The following C9orf85 variants were observed in gnomAD, a reference collection of about 807,000 sequenced individuals.
C9orf85 encodes uncharacterized protein C9orf85.
C9orf85 carries 16 observed loss-of-function variants against 14.9 expected under a neutral mutation model. That is an observed-to-expected ratio of 1.08 (90% CI 0.73 to 1.63). The LOEUF (loss-of-function observed/expected upper bound fraction) is 1.63. C9orf85 is among the 40% of genes most tolerant of loss of function. The pLI is 0.00. For synonymous variants in C9orf85, 45 were observed against 56.8 expected (o/e 0.79, Z 0.93); for missense variants, 172 against 186.1 (o/e 0.92, Z 0.44).
intron 2 of C9orf85, among the ~76,000 whole-genome samples, chr9:71,954,556 C>T (rs950261024): frequency 2.0e-5 from 3 of 152,150 alleles, no homozygotes; most frequent in African/African-American, 7.2e-5. Flanking sequence ...GTGGATTATT[C>T]ATGTCTTTGC....
chr9:71,963,586 C>T (rs1822588421), intron 2 of C9orf85, among the ~76,000 whole-genome samples: 2 of 152,198 alleles, frequency 1.3e-5, no homozygotes, highest in East Asian at 1.9e-4. Context: ...GCTTGCGGGC[C>T]AGCTGGAGTT....
chr9:71,920,756 G>A (rs146730780), intron 1 of C9orf85, among the ~76,000 whole-genome samples: 3 of 152,264 alleles, frequency 2.0e-5, no homozygotes, highest in Non-Finnish European at 2.9e-5. Flanking sequence ...ATAAGGAGGG[G>A]ATAAAGGAAT....
intron 1 of C9orf85, among the ~76,000 whole-genome samples, chr9:71,936,434 A>G (rs1171877683): frequency 6.8e-6 from 1 of 146,138 alleles, no homozygotes; most frequent in Non-Finnish European, 1.5e-5. Context: ...TGGGATTGAA[A>G]GTATTACCCT....
chr9:71,975,575 G>A (rs1171368375), downstream of C9orf85, among the ~76,000 whole-genome samples: 1 of 152,216 alleles, frequency 6.6e-6, no homozygotes, highest in African/African-American at 2.4e-5. Flanking sequence ...CCTCACGCCT[G>A]TAATCCTAGC....
intron 1 of C9orf85, among the ~76,000 whole-genome samples, chr9:71,921,997 G>A (rs1403772637): frequency 6.6e-6 from 1 of 151,416 alleles, no homozygotes; most frequent in Non-Finnish European, 1.5e-5. Context: ...CTAGAGTGTA[G>A]TGGCGCAATC....
chr9:71,932,910 C>T (rs1437258332), intron 1 of C9orf85, among the ~76,000 whole-genome samples: 1 of 151,886 alleles, frequency 6.6e-6, no homozygotes, highest in African/African-American at 2.4e-5. Flanking sequence ...ATGTAAATAT[C>T]AATAAGGAAA....
intron 1 of C9orf85, among the ~76,000 whole-genome samples, chr9:71,924,029 G>A (rs1170884252): frequency 6.6e-6 from 1 of 152,178 alleles, no homozygotes; most frequent in African/African-American, 2.4e-5. Flanking sequence ...AGTATTAGTG[G>A]ATGTGAAAAA....
intron 2 of C9orf85, among the ~76,000 whole-genome samples, chr9:71,966,639 G>A (rs900669822): frequency 6.6e-6 from 1 of 152,102 alleles, no homozygotes; most frequent in Non-Finnish European, 1.5e-5. Context: ...AAAACGCAAA[G>A]GCAAGATGGT....
At chr9:71,943,034 T>G (rs1821980612) in intron 1 of C9orf85, among the ~76,000 whole-genome samples, 1 of 152,184 alleles carries the variant, frequency 6.6e-6, no homozygotes, top group South Asian at 2.1e-4. Flanking sequence ...AGGGACTCTT[T>G]CCAGCAAATT....
chr9:71,976,661 C>CAAA (rs1162481407), downstream of C9orf85, among the ~76,000 whole-genome samples: 84 of 105,022 alleles, frequency 8.0e-4, no homozygotes, highest in African/African-American at 2.1e-3. Flanking sequence ...GACTCCATCT[C>CAAA]AAAAAAAAAA....
rs568215040 is a variant in C9orf85, at chr9:71,939,875, A to AT, written c.103-7130dup. ...TGCTGGAACAATTGTACATCTGTAT[A>AT]TAATTTTAAAAGAACATCTACTTGG... is the stretch of plus-strand genomic sequence containing the variant. On this transcript the variant is annotated intron_variant, in intron 1 of 3. Transcript: ENST00000334731. 2.8e-3 allele frequency among the ~76,000 whole-genome samples: 433 copies of AT among 152,332 alleles called. 2 individuals carry two copies. Among genetic ancestry groups the AT allele is most frequent in the Middle Eastern group, 6.8e-3 (2 of 294 alleles).
In C9orf85 at chr9:71,955,441, A is replaced by G. The variant is rs552508100; in HGVS notation, c.209+8329A>G. 7.2e-5 allele frequency among the ~76,000 whole-genome samples: 11 copies of G among 152,232 alleles called. No homozygotes were observed. The South Asian group carries it at 1.7e-3, about 23-fold the overall frequency. ...GTGCTTCAATAACGGTTTTGGACAG[A>G]AAAAGGGAAGTGACCTTTTTCTGTC... On this transcript the variant is annotated intron_variant, in intron 2 of 3. Transcript: ENST00000334731.
At chr9:71,973,861 T>TTG (rs386415060), downstream of C9orf85, among the ~76,000 whole-genome samples, 31 of 1,352 alleles carry the variant, frequency 0.023, no homozygotes, top group East Asian at 0.47. Flanking sequence ...GGTTTTGTTG[T>TTG]TTTTTTTTTT....
At chr9:71,980,433 T>C (rs937182064) in intron 3 of C9orf85, among the ~76,000 whole-genome samples, 3 of 152,116 alleles carry the variant, frequency 2.0e-5, no homozygotes, top group Non-Finnish European at 2.9e-5. Context: ...CCTGGGGAAA[T>C]TGCCGTGACC....
chr9:71,973,571 T>A (rs1341824955), downstream of C9orf85: 1 of 152,252 alleles, frequency 6.6e-6, no homozygotes, highest in Non-Finnish European at 1.5e-5. Context: ...CATCACATTT[T>A]AACTTTTTTC....
intron 1 of C9orf85, among the ~76,000 whole-genome samples, chr9:71,940,188 G>A (rs1204087296): frequency 1.3e-5 from 2 of 151,978 alleles, no homozygotes; most frequent in South Asian, 2.1e-4. Flanking sequence ...ATATTAATAT[G>A]TAGAACTCTC....
At chr9:71,948,591 A>C (rs972046351) in intron 2 of C9orf85, among the ~76,000 whole-genome samples, 11 of 152,184 alleles carry the variant, frequency 7.2e-5, no homozygotes, top group Admixed American at 7.2e-4. Flanking sequence ...ACATAATCTT[A>C]GATCACTGCA....
chr9:71,956,987 C>CT (rs199797246), intron 2 of C9orf85, among the ~76,000 whole-genome samples: 1,610 of 144,152 alleles, frequency 0.011, 17 homozygotes, highest in African/African-American at 0.024. Context: ...TGAAGACTGA[C>CT]TTTTTTTTTT....
intron 2 of C9orf85, among the ~76,000 whole-genome samples, chr9:71,947,471 C>T (rs911139769): frequency 3.9e-5 from 6 of 152,108 alleles, no homozygotes; most frequent in Non-Finnish European, 8.8e-5. Flanking sequence ...TAAAACGGAT[C>T]AGACCTTTAG....
Sources: gnomAD v4.1 joint callset for allele counts (sites outside exome capture counted in the v4.1 genomes callset) on GRCh38, gnomAD v4.1.1 for gene constraint, MANE v1.5 for transcripts, NCBI Gene and HGNC (gene_info 2026-07-23, HGNC 2026-07-21) for gene names.